Variants in TRIO observed in about 807,000 individuals in gnomAD.
TRIO encodes trio Rho guanine nucleotide exchange factor, also known as triple functional domain protein.
A neutral mutation model predicts 351.9 loss-of-function variants in TRIO; 58 were observed. That is an observed-to-expected ratio of 0.16 (90% CI 0.13 to 0.21). The LOEUF is 0.21. Ranked by LOEUF, TRIO falls within the 10% of genes least tolerant of loss-of-function variation. The probability of loss-of-function intolerance (pLI) is 1.00; values close to 1 mark genes in which losing one functional copy is unlikely to be tolerated. For missense variants in TRIO, 3,201 were observed against 4,027.8 expected, an observed-to-expected ratio of 0.79 and a Z score of 5.56; for synonymous variants, 1,758 against 1,595.7, an observed-to-expected ratio of 1.10 and a Z score of -2.42.
intron 1 of TRIO, among the ~76,000 whole-genome samples, chr5:14,176,388 T>G (rs955694483): frequency 6.6e-6 from 1 of 152,178 alleles, no homozygotes; most frequent in Admixed American, 6.5e-5. Context: ...GAGAATGGCG[T>G]GAACCCGGGA....
At chr5:14,285,587 G>A (rs1046977419) in intron 3 of TRIO, among the ~76,000 whole-genome samples, 1 of 152,052 alleles carries the variant, frequency 6.6e-6, no homozygotes, top group Admixed American at 6.5e-5. Context: ...CTATGTAAGA[G>A]CATGAAATTG....
chr5:14,336,872 G>A, intron 11 of TRIO, 145 bp downstream of exon 11: 1 of 857,936 alleles, frequency 1.2e-6, no homozygotes, highest in African/African-American at 1.7e-5. Flanking sequence ...GAGTGTGTCT[G>A]CGTGGACAGG....
chr5:14,182,706 C>T (rs1266076361), intron 1 of TRIO, among the ~76,000 whole-genome samples: 2 of 152,198 alleles, frequency 1.3e-5, no homozygotes, highest in Admixed American at 1.3e-4. Flanking sequence ...AAGACATTAT[C>T]TGTTGGAACA....
At chr5:14,346,449 A>G (rs1742424643) in intron 11 of TRIO, among the ~76,000 whole-genome samples, 1 of 152,204 alleles carries the variant, frequency 6.6e-6, no homozygotes. Flanking sequence ...AGAACTTGAT[A>G]ATTATATCAC....
intron 34 of TRIO, among the ~76,000 whole-genome samples, chr5:14,440,429 G>C (rs1029574528): frequency 1.3e-5 from 2 of 152,344 alleles, no homozygotes; most frequent in African/African-American, 2.4e-5. Flanking sequence ...CCATTGTGTG[G>C]TGTGGGACAA....
intron 20 of TRIO, among the ~76,000 whole-genome samples, chr5:14,380,692 C>T (rs546691680): frequency 2.0e-5 from 3 of 152,072 alleles, no homozygotes; most frequent in Non-Finnish European, 2.9e-5. Context: ...CCAGAAATAC[C>T]ATTTGACCTA....
intron 1 of TRIO, among the ~76,000 whole-genome samples, chr5:14,266,092 T>C (rs544307812): frequency 1.4e-5 from 2 of 147,480 alleles, no homozygotes; most frequent in African/African-American, 5.0e-5. Flanking sequence ...AGACAGAGTC[T>C]CGCTCTGCCG....
At chr5:14,387,662 T>G (rs1469417641) in intron 22 of TRIO, 30 bp downstream of exon 22, 2 of 1,608,600 alleles carry the variant, frequency 1.2e-6, no homozygotes, top group Non-Finnish European at 1.7e-6. Context: ...CTGAATAAAT[T>G]ATGGTCTTCT....
At chr5:14,213,141 T>G (rs557899878) in intron 1 of TRIO, among the ~76,000 whole-genome samples, 7 of 152,174 alleles carry the variant, frequency 4.6e-5, no homozygotes, top group African/African-American at 1.4e-4. Context: ...GAAACAAGTC[T>G]GCTTTGCACT....
intron 54 of TRIO, 142 bp downstream of exon 54, chr5:14,502,799 T>A (rs1194606681): frequency 2.4e-6 from 2 of 833,554 alleles, no homozygotes; most frequent in Non-Finnish European, 3.8e-6. Flanking sequence ...TAACTCTCAT[T>A]GCCTTTAGAC....
rs767863522 is a variant in TRIO at position 14,387,567 on chromosome 5, C to T, written c.3700C>T (p.Arg1234Trp). 62 of 1,614,026 alleles carry T rather than the reference C, an allele frequency of 3.8e-5. No individual in the cohort carries two copies. The highest frequency in any genetic ancestry group is 4.4e-5 in the South Asian group (4 of 91,088). ...TAAGAGGTACAGAGATTTCTCTCTG[C>T]GGATGGAGAAGTACAGGACCTCTTT... ...VDKRYRDFSL[R>W]MEKYRTSLEK... The change falls in exon 22 of 57, where the codon CGG becomes TGG. Residue 1234 changes from arginine to tryptophan, a missense_variant. Arg to Trp is a moderately radical substitution (Grantham distance 101). Transcript: ENST00000344204.
intron 34 of TRIO, among the ~76,000 whole-genome samples, chr5:14,457,663 T>C (rs1447997178): frequency 6.6e-6 from 1 of 152,094 alleles, no homozygotes; most frequent in Admixed American, 6.5e-5. Flanking sequence ...CACAAAGCAT[T>C]ATTAATTGAC....
chr5:14,496,056 A>G (rs1046086749), intron 49 of TRIO, among the ~76,000 whole-genome samples: 2 of 152,220 alleles, frequency 1.3e-5, no homozygotes, highest in Non-Finnish European at 2.9e-5. Context: ...AAGACCCTCC[A>G]CTAGCAAAAA....
chr5:14,299,183 A>G (rs1175390450), intron 7 of TRIO, among the ~76,000 whole-genome samples: 1 of 152,248 alleles, frequency 6.6e-6, no homozygotes, highest in African/African-American at 2.4e-5. Flanking sequence ...AATTTTAAAC[A>G]TACAGCAAAA....
At chr5:14,507,804 A>G (rs1411622506) in intron 56 of TRIO, 76 bp from the exon 57 acceptor site, 3 of 1,527,672 alleles carry the variant, frequency 2.0e-6, no homozygotes, top group Non-Finnish European at 2.6e-6. Flanking sequence ...CCACCTCACC[A>G]TAGAGTCCCG....
chr5:14,347,983 G>A (rs1742589082), intron 11 of TRIO, among the ~76,000 whole-genome samples: 1 of 152,228 alleles, frequency 6.6e-6, no homozygotes, highest in African/African-American at 2.4e-5. Context: ...TGTGTTTAAT[G>A]AAGAAATGAG....
intron 34 of TRIO, among the ~76,000 whole-genome samples, chr5:14,453,688 G>C (rs929440842): frequency 8.5e-5 from 13 of 152,184 alleles, no homozygotes; most frequent in African/African-American, 3.1e-4. Context: ...GACAAGTCCA[G>C]CATTCTTTCT....
At chr5:14,153,065 T>C (rs550281388) in intron 1 of TRIO, among the ~76,000 whole-genome samples, 1 of 152,354 alleles carries the variant, frequency 6.6e-6, no homozygotes, top group African/African-American at 2.4e-5. Context: ...GTTCAGCCTG[T>C]TTGTAAGACG....
chr5:14,380,282 GCGCCCCGCC>G, intron 20 of TRIO, among the ~76,000 whole-genome samples: 1 of 31,568 alleles, frequency 3.2e-5, no homozygotes, highest in African/African-American at 1.7e-4. Flanking sequence ...CTCCTCCTTC[GCGCCCCGCC>G]TCCTCCTTCG....
Sources: gnomAD v4.1 joint callset for allele counts (sites outside exome capture counted in the v4.1 genomes callset) on GRCh38, gnomAD v4.1.1 for gene constraint, MANE v1.5 for transcripts, NCBI Gene and HGNC (gene_info 2026-07-23, HGNC 2026-07-21) for gene names.